Variants in DMBT1 observed in about 807,000 individuals in gnomAD.
The protein encoded by DMBT1 is scavenger receptor cysteine-rich domain-containing protein DMBT1.
DMBT1 carries 198 observed loss-of-function variants against 252.9 expected under a neutral mutation model. The observed-to-expected ratio is 0.78, with a 90% CI of 0.70 to 0.88. DMBT1 has a LOEUF of 0.88. DMBT1 is among the 40% of genes least tolerant of loss of function. DMBT1 has a pLI of 0.00. For synonymous variants in DMBT1, 990 were observed against 942.7 expected (o/e 1.05, Z -0.92); for missense variants, 2,432 against 2,404.7 (o/e 1.01, Z -0.24).
chr10:122,565,566 T>C (rs1354717307), intron 1 of DMBT1, among the ~76,000 whole-genome samples: 1 of 151,054 alleles, frequency 6.6e-6, no homozygotes, highest in African/African-American at 2.4e-5. Context: ...ATATCTGACA[T>C]TAACATATTT....
At chr10:122,621,988 A>T (rs2098074590) in intron 44 of DMBT1, among the ~76,000 whole-genome samples, 3 of 152,162 alleles carry the variant, frequency 2.0e-5, no homozygotes, top group South Asian at 2.1e-4. Context: ...AAGCCTTGTT[A>T]TTACGTGTGG....
intron 41 of DMBT1, 54 bp from the exon 42 acceptor site, chr10:122,619,254 T>G: frequency 6.2e-7 from 1 of 1,612,268 alleles, no homozygotes; most frequent in Non-Finnish European, 8.5e-7. Flanking sequence ...TGTTCCAGTT[T>G]TGCCATTTTC....
rs1339691506 is a variant in DMBT1 at position 122,621,364 on chromosome 10, T to C, written c.5592T>C (p.Ala1864=). The change falls in exon 44 of 56, where the codon GCT becomes GCC. Residue 1864 remains alanine (A), a synonymous_variant. Transcript: ENST00000338354. ...ACAACTGTGGCCATCACGAAGACGCTGGTGTCATCTGCTCAGGTGGGCCTT... is the reference window on the plus strand; with the variant it reads ...ACAACTGTGGCCATCACGAAGACGCCGGTGTCATCTGCTCAGGTGGGCCTT... ...LTHNCGHHED[A]GVICSATQIN... 11 of 1,613,706 alleles carry C rather than the reference T, an allele frequency of 6.8e-6. No homozygotes were observed. Among genetic ancestry groups the C allele is most frequent in the Non-Finnish European group, 9.3e-6 (11 of 1,179,756 alleles).
chr10:122,598,547 G>A (rs1299744167), intron 25 of DMBT1, among the ~76,000 whole-genome samples: 1 of 152,144 alleles, frequency 6.6e-6, no homozygotes, highest in African/African-American at 2.4e-5. Flanking sequence ...ACTTCAGTAG[G>A]GTCACAGATG....
intron 55 of DMBT1, among the ~76,000 whole-genome samples, chr10:122,642,426 G>C (rs1457575326): frequency 6.6e-6 from 1 of 152,160 alleles, no homozygotes; most frequent in Admixed American, 6.5e-5. Context: ...ATAATAACTG[G>C]GTTAGTGTGA....
intron 2 of DMBT1, among the ~76,000 whole-genome samples, chr10:122,567,715 G>A (rs566417451): frequency 1.3e-5 from 2 of 152,208 alleles, no homozygotes; most frequent in African/African-American, 2.4e-5. Context: ...GCATCACGTC[G>A]GGCAGGAACA....
chr10:122,562,459 C>T (rs1478937626), intron 1 of DMBT1, among the ~76,000 whole-genome samples: 1 of 152,144 alleles, frequency 6.6e-6, no homozygotes, highest in Non-Finnish European at 1.5e-5. Context: ...GCCACCAGGC[C>T]CAGGACCTCA....
At position 122,592,581 on chromosome 10, in the gene DMBT1, G is replaced by T. The variant is rs753619756; in HGVS notation, c.2486G>T (p.Gly829Val). 1.9e-5 allele frequency: 30 copies of T among 1,588,524 alleles called. 4 individuals are homozygous for T. The highest frequency in any genetic ancestry group is 4.6e-5 in the South Asian group (4 of 86,938). Residue 829 changes from glycine (G) to valine (V), a missense_variant, in exon 20 of 56, where the codon GGT becomes GTT. This residue lies in a region of DMBT1 where 1,264 missense variants were observed against 1,082.2 expected (regional missense o/e 1.17). Coordinates refer to ENST00000338354, the MANE Select transcript of DMBT1 (RefSeq NM_001377530.1). The stretch of plus-strand genomic sequence containing the variant: ...AACTGTGGCCATCATGAAGATGCTG[G>T]TGTCATCTGCTCAGGTGGGCCTCCA... Reference protein sequence around the residue: ...SHNCGHHEDAGVICSVSQSRP... With the variant: ...SHNCGHHEDAVVICSVSQSRP...
chr10:122,570,212 A>G lies in DMBT1; in HGVS notation c.139+3A>G. On this transcript the variant is annotated splice_donor_region_variant and intron_variant, in intron 3 of 55. Coordinates refer to ENST00000338354, the MANE Select transcript of DMBT1 (RefSeq NM_001377530.1). ...CTTGGATCCAACTGTAGCAGAAGGT[A>G]AGGTCTATTATGGGGGAACCCTGTG... 6.3e-7 allele frequency: 1 copy of G among 1,582,018 alleles called. No homozygotes were observed. Among genetic ancestry groups the G allele is most frequent in the South Asian group, 1.1e-5 (1 of 90,332 alleles).
chr10:122,640,283 T>C lies in DMBT1; in HGVS notation c.7186T>C (p.Tyr2396His). ...ISFYTSSSFL[Y>H]PVTSRPYYVD... is the part of the protein sequence containing the mutation. ...CTTTTATACTTCCTCATCTTTCTTG[T>C]ATCCTGTGACCAGCCGCCCTTACTA... is the stretch of plus-strand genomic sequence containing the variant. The change falls in exon 55 of 56, where the codon TAT (tyrosine) becomes CAT (histidine). Residue 2396 changes from tyrosine to histidine, a missense_variant. By Grantham distance (83) the Tyr-to-His change is moderately conservative. Transcript: ENST00000338354. The C allele has an allele frequency of 6.2e-7, 1 of 1,614,084 alleles. No individual in the cohort carries two copies. The highest frequency in any genetic ancestry group is 8.5e-7 in the Non-Finnish European group (1 of 1,179,908).
At chr10:122,600,388 G>C (rs775484899) in intron 27 of DMBT1, among the ~76,000 whole-genome samples, 5 of 152,078 alleles carry the variant, frequency 3.3e-5, no homozygotes, top group Admixed American at 3.3e-4. Context: ...AATGAGCTTT[G>C]GTCCTTTTAT....
rs148509801 is a variant in DMBT1, at chr10:122,589,745, C to A, written c.2107+478C>A. 2.1e-4 allele frequency among the ~76,000 whole-genome samples: 31 copies of A among 148,314 alleles called. 1 individual carries two copies. The highest frequency in any genetic ancestry group is 3.4e-3 in the Middle Eastern group (1 of 294). On this transcript the variant is annotated intron_variant, in intron 17 of 55. Transcript: ENST00000338354. Reference sequence around the variant, plus strand: ...AGAGGTCACGTGGCAAGGGAGGAAGCAAGAGAGGGCAAGAAGGAAGGCCCA... The same window carrying A: ...AGAGGTCACGTGGCAAGGGAGGAAGAAAGAGAGGGCAAGAAGGAAGGCCCA...
At chr10:122,637,100 G>A (rs778287293) in intron 53 of DMBT1, 28 bp from the exon 54 acceptor site, 1 of 1,605,610 alleles carries the variant, frequency 6.2e-7, no homozygotes, top group South Asian at 1.1e-5. Flanking sequence ...GGCAGTGACT[G>A]AGTGCCTTAT....
rs200308839 is a variant in DMBT1, at chr10:122,579,892, A to G, written c.994A>G (p.Ile332Val). 4.1e-5 allele frequency: 66 copies of G among 1,613,728 alleles called. No individual in the cohort carries two copies. In the African/African-American group the frequency reaches 8.1e-4, roughly 20 times the overall value. ...NCGHSEDAGV[I>V]CSAPQSRPTP... The stretch of plus-strand genomic sequence containing the variant: ...TGGCCATAGTGAAGACGCTGGTGTC[A>G]TCTGCTCAGGTGGGCCTTCAAGAAC... Residue 332 changes from isoleucine (I) to valine (V), a missense_variant, in exon 10 of 56, where the codon ATC becomes GTC. Physicochemically the swap from Ile to Val is conservative, Grantham distance 29 (BLOSUM62 3). Around this residue, in one of 3 missense-constraint regions of DMBT1, gnomAD observed 1,264 missense variants for 1,082.2 expected, o/e 1.17. Coordinates refer to ENST00000338354, the MANE Select transcript of DMBT1 (RefSeq NM_001377530.1).
intron 41 of DMBT1, among the ~76,000 whole-genome samples, chr10:122,618,563 T>C (rs28667433): frequency 0.071 from 10,777 of 152,228 alleles, 614 homozygotes; most frequent in South Asian, 0.23. Flanking sequence ...CAACCCAGAC[T>C]TTATCCCCAT....
Position 122,586,254 on chromosome 10 carries a change from G to C in DMBT1, c.1654G>C (p.Gly552Arg), listed in dbSNP as rs1249372326. ...LAPGNARFGQ[G>R]SGPIVLDDVR... ...CCCAGGAAATGCCCGGTTTGGTCAG[G>C]GCTCAGGACCCATTGTCCTGGATGA... The change falls in exon 16 of 56, where the codon GGC becomes CGC. Residue 552 changes from glycine to arginine, a missense_variant. Gly to Arg is a moderately radical substitution (Grantham distance 125). Transcript: ENST00000338354. The C allele has an allele frequency of 6.3e-7, 1 of 1,588,714 alleles. No individual in the cohort carries two copies. Among genetic ancestry groups the C allele is most frequent in the African/African-American group, 1.3e-5 (1 of 74,510 alleles).
chr10:122,630,203 C>T (rs1224828861), intron 47 of DMBT1, 85 bp from the exon 48 acceptor site: 1 of 1,422,048 alleles, frequency 7.0e-7, no homozygotes, highest in African/African-American at 1.4e-5. Flanking sequence ...TATTCAATGG[C>T]ATCCCTCGTA....
At chr10:122,598,144 A>T in intron 25 of DMBT1, 132 bp downstream of exon 25, 1 of 1,371,244 alleles carries the variant, frequency 7.3e-7, no homozygotes, top group African/African-American at 1.4e-5. Flanking sequence ...CATGGGAGGA[A>T]GGTAGCGTCT....
chr10:122,585,275 G>C lies in DMBT1; in HGVS notation c.1425G>C (p.Thr475=), dbSNP rs376655390. 2.5e-5 allele frequency: 40 copies of C among 1,586,510 alleles called. 2 individuals carry two copies. Among genetic ancestry groups the C allele is most frequent in the African/African-American group, 1.1e-4 (8 of 74,562 alleles). ...TTGTCTCTGTTGCAATTACAGACAC[G>C]TTGCCGACCATCACCTTACCTGCAT... ...AHSWSTPSPD[T]LPTITLPAST... Residue 475 remains threonine, a synonymous_variant, in exon 15 of 56, where the codon ACG becomes ACC. Coordinates refer to ENST00000338354, the MANE Select transcript of DMBT1 (RefSeq NM_001377530.1).
Sources: allele counts gnomAD v4.1 joint callset (sites outside exome capture counted in the v4.1 genomes callset), GRCh38; gene constraint gnomAD v4.1.1; regional missense constraint gnomAD v4.1.1; transcripts MANE v1.5; gene names NCBI Gene and HGNC (gene_info 2026-07-23, HGNC 2026-07-21).